MAN2B2: variants seen among roughly 807,000 people sequenced by gnomAD.
MAN2B2 encodes the protein epididymis-specific alpha-mannosidase.
MAN2B2 carries 106 observed loss-of-function variants against 117.1 expected under a neutral mutation model. The observed-to-expected ratio is 0.90, with a 90% CI of 0.77 to 1.06. The LOEUF is 1.06. Among genes scored for constraint, MAN2B2 ranks in the 50% least tolerant of loss-of-function variants. The pLI is 0.00. For synonymous variants in MAN2B2, 544 were observed against 595.1 expected (o/e 0.91, Z 1.25); for missense variants, 1,326 against 1,381.4 (o/e 0.96, Z 0.64).
intron 3 of MAN2B2, among the ~76,000 whole-genome samples, chr4:6,585,862 C>T (rs1011742613): frequency 2.0e-5 from 3 of 152,290 alleles, no homozygotes; most frequent in East Asian, 1.9e-4. Flanking sequence ...CCCAGAGCAG[C>T]GACCCAGGAG....
intron 11 of MAN2B2, among the ~76,000 whole-genome samples, chr4:6,607,430 C>T (rs1445607608): frequency 1.3e-5 from 2 of 152,260 alleles, no homozygotes; most frequent in Non-Finnish European, 2.9e-5. Context: ...GTCTCAAACT[C>T]CTGAGCTCAA....
intron 10 of MAN2B2, among the ~76,000 whole-genome samples, chr4:6,600,970 T>C (rs146024452): frequency 3.4e-3 from 517 of 152,178 alleles, no homozygotes; most frequent in Admixed American, 5.3e-3. Flanking sequence ...CTAAAATCAA[T>C]TCATTCCTGA....
At chr4:6,610,852 G>A (rs1727738726) in intron 13 of MAN2B2, 28 bp from the exon 14 acceptor site, 9 of 1,607,508 alleles carry the variant, frequency 5.6e-6, no homozygotes, top group Non-Finnish European at 6.8e-6. Context: ...TGCCCCAATC[G>A]CCCACCTGGC....
intron 1 of MAN2B2, among the ~76,000 whole-genome samples, chr4:6,575,708 G>T (rs943354100): frequency 1.3e-5 from 2 of 152,146 alleles, no homozygotes; most frequent in East Asian, 3.9e-4. Context: ...GGAAGGGGCC[G>T]GGCTGGTCCC....
chr4:6,578,417 C>T lies in MAN2B2; in HGVS notation c.310C>T (p.Arg104Cys), dbSNP rs369090147. The change falls in exon 3 of 19, where the codon CGC becomes TGC. Residue 104 changes from arginine (R) to cysteine (C), a missense_variant. Coordinates refer to ENST00000285599, the MANE Select transcript of MAN2B2 (RefSeq NM_015274.3). The stretch of plus-strand genomic sequence containing the variant: ...GGTCCGCCAGCTCCTGGAGGAAGGA[C>T]GCCTGGAATTTGTCATCGGAGGCCA... ...YQVRQLLEEG[R>C]LEFVIGGQVM... is the part of the protein sequence containing the mutation. 55 of 1,613,524 alleles carry T rather than the reference C, an allele frequency of 3.4e-5. No individual in the cohort carries two copies. In the African/African-American group the frequency reaches 4.4e-4, roughly 13 times the overall value.
At chr4:6,605,449 AC>A in intron 11 of MAN2B2, 120 bp downstream of exon 11, 10 of 1,138,944 alleles carry the variant, frequency 8.8e-6, no homozygotes, top group South Asian at 3.2e-5. Context: ...TGGTGGTGAA[AC>A]CCCTTCCTGC....
intron 4 of MAN2B2, among the ~76,000 whole-genome samples, chr4:6,588,265 C>G (rs1421322478): frequency 6.6e-6 from 1 of 152,212 alleles, no homozygotes; most frequent in Admixed American, 6.5e-5. Flanking sequence ...CTGCTCCAGG[C>G]CTCTCTCCTT....
chr4:6,598,165 C>T lies in MAN2B2; in HGVS notation c.1249-33C>T. The T allele has an allele frequency of 1.9e-6, 3 of 1,605,284 alleles. No homozygotes were observed. In the South Asian group the frequency reaches 3.3e-5, roughly 18 times the overall value. ...GTGCTTTGCAGAGTCAGGTCCTGAT[C>T]CTGTTCTTCCTCCCCTCTGGGGGTT... On this transcript the variant is annotated intron_variant, in intron 8 of 18. Transcript: ENST00000285599.
rs1307412679 is a variant in MAN2B2 at position 6,610,992 on chromosome 4, T to G, written c.2370+2T>G. 1 of 1,613,848 alleles carries G rather than the reference T, an allele frequency of 6.2e-7. No individual in the cohort carries two copies. The highest frequency in any genetic ancestry group is 1.3e-5 in the African/African-American group (1 of 74,862). On this transcript the variant is annotated splice_donor_variant, in intron 14 of 18. Coordinates refer to ENST00000285599, the MANE Select transcript of MAN2B2 (RefSeq NM_015274.3). LOFTEE classifies it high-confidence loss of function. The stretch of plus-strand genomic sequence containing the variant: ...AGCCAAGGGAATGGGCAGGTGGAGG[T>G]AGGAGGCACGGTCTGTCCTACAGCA...
In MAN2B2 at chr4:6,611,239, C is replaced by T; in HGVS notation, c.2524C>T (p.Leu842=). 1 of 1,613,118 alleles carries T rather than the reference C, an allele frequency of 6.2e-7. No individual in the cohort carries two copies. The highest frequency in any genetic ancestry group is 8.5e-7 in the Non-Finnish European group (1 of 1,179,762). ...CCTGCGCCAGAGGAGCGCACTGGCGCTGCAGCACAGGCCCGTGGTGCTGTT... is the reference window on the plus strand; with the variant it reads ...CCTGCGCCAGAGGAGCGCACTGGCGTTGCAGCACAGGCCCGTGGTGCTGTT... ...TALRQRSALA[L]QHRPVVLFGD... is the part of the protein sequence containing the mutation. The change falls in exon 15 of 19, where the codon CTG becomes TTG. Residue 842 remains leucine (L), a synonymous_variant. Transcript: ENST00000285599.
rs1046939251 is a variant in MAN2B2, at chr4:6,605,074, C to T, written c.1559C>T (p.Thr520Ile). 3.1e-6 allele frequency: 5 copies of T among 1,613,548 alleles called. No individual in the cohort carries two copies. In the African/African-American group the frequency reaches 6.7e-5, roughly 22 times the overall value. The change falls in exon 11 of 19, where the codon ACC becomes ATC. Residue 520 changes from threonine to isoleucine, a missense_variant. Transcript: ENST00000285599. Reference protein sequence around the residue: ...VPSQIQNSTETPSAYDLLILT... With the variant: ...VPSQIQNSTEIPSAYDLLILT... ...TTGCAGATCCAGAACTCAACAGAGA[C>T]CCCATCTGCGTATGACCTGCTTATT...
chr4:6,576,989 G>A (rs150585791), intron 2 of MAN2B2, among the ~76,000 whole-genome samples: 61 of 152,180 alleles, frequency 4.0e-4, no homozygotes, highest in Middle Eastern at 3.4e-3. Context: ...GTGCACTTCC[G>A]TGCCAGCTGG....
intron 17 of MAN2B2, 75 bp downstream of exon 17, chr4:6,617,567 G>A (rs2108760580): frequency 6.3e-7 from 1 of 1,581,852 alleles, no homozygotes; most frequent in East Asian, 2.3e-5. Context: ...AAACTGCCTT[G>A]GCAAAGAGAT....
chr4:6,575,192 T>C lies in MAN2B2; in HGVS notation c.-19T>C. The C allele has an allele frequency of 7.2e-7, 1 of 1,387,166 alleles. No individual in the cohort carries two copies. The highest frequency in any genetic ancestry group is 2.6e-5 in the East Asian group (1 of 38,018). The allele number at this position is 1,387,166 out of a possible 1,614,324, so 85.9% of individuals were successfully genotyped here. ...CGGACCCGGAAGTGGGCCTGGCACC[T>C]TCCCGGCCTGCCGCAGGGATGGGGC... On this transcript the variant is annotated 5_prime_UTR_variant, in exon 1 of 19. Transcript: ENST00000285599.
At chr4:6,609,068 C>T (rs745891067) in intron 11 of MAN2B2, 39 bp from the exon 12 acceptor site, 63 of 1,577,410 alleles carry the variant, frequency 4.0e-5, no homozygotes, top group Non-Finnish European at 5.0e-5. Flanking sequence ...AGACCTTGTG[C>T]AGGATGAGAA....
At chr4:6,579,779 C>G (rs971363868) in intron 3 of MAN2B2, among the ~76,000 whole-genome samples, 6 of 152,246 alleles carry the variant, frequency 3.9e-5, no homozygotes, top group Non-Finnish European at 8.8e-5. Context: ...ATTGTGTCCA[C>G]TGTCCTCAGC....
At chr4:6,611,969 A>G (rs1443516095) in intron 15 of MAN2B2, among the ~76,000 whole-genome samples, 3 of 152,238 alleles carry the variant, frequency 2.0e-5, no homozygotes, top group African/African-American at 7.2e-5. Flanking sequence ...GAACATGAGA[A>G]ACATTAAACA....
chr4:6,578,993 A>G (rs937632107), intron 3 of MAN2B2, among the ~76,000 whole-genome samples: 1 of 148,440 alleles, frequency 6.7e-6, no homozygotes, highest in Non-Finnish European at 1.5e-5. Flanking sequence ...GACCATCACT[A>G]CCACTACCAT....
intron 2 of MAN2B2, 69 bp downstream of exon 2, chr4:6,576,793 G>A: frequency 6.3e-7 from 1 of 1,587,970 alleles, no homozygotes; most frequent in Non-Finnish European, 8.6e-7. Context: ...AAACTCAATG[G>A]GGCAGTTCTA....
Sources: gnomAD v4.1 joint callset for allele counts (sites outside exome capture counted in the v4.1 genomes callset) on GRCh38, gnomAD v4.1.1 for gene constraint, MANE v1.5 for transcripts, NCBI Gene and HGNC (gene_info 2026-07-23, HGNC 2026-07-21) for gene names.